The following ATRN variants were observed in gnomAD, a reference collection of about 807,000 sequenced individuals.
ATRN encodes the protein attractin-2.
Under a neutral mutation model 178.7 loss-of-function variants are expected in ATRN, and 54 were observed. That is an observed-to-expected ratio of 0.30 (90% CI 0.24 to 0.38). The LOEUF (loss-of-function observed/expected upper bound fraction) is 0.38. ATRN is among the 10% of genes least tolerant of loss of function. The probability of loss-of-function intolerance (pLI) is 1.00; values close to 1 mark genes in which losing one functional copy is unlikely to be tolerated. For missense variants in ATRN, 1,443 were observed against 1,815.1 expected (o/e 0.79, Z 3.73); for synonymous variants, 636 against 663.0 (o/e 0.96, Z 0.63).
chr20:3,566,444 TCTG>T (rs1281907488), intron 11 of ATRN, among the ~76,000 whole-genome samples: 1 of 152,252 alleles, frequency 6.6e-6, no homozygotes, highest in Non-Finnish European at 1.5e-5. Context: ...TCATTCAGTT[TCTG>T]CTATTACTAC....
At chr20:3,621,097 CT>C (rs934778892) in intron 24 of ATRN, among the ~76,000 whole-genome samples, 18 of 152,046 alleles carry the variant, frequency 1.2e-4, no homozygotes, top group African/African-American at 4.3e-4. Context: ...TTGGACACCC[CT>C]ATATAGACCA....
intron 1 of ATRN, among the ~76,000 whole-genome samples, chr20:3,486,391 C>G (rs530466373): frequency 1.3e-5 from 2 of 150,996 alleles, no homozygotes; most frequent in South Asian, 4.2e-4. Context: ...TTTCCTTTTT[C>G]TTTTTTTCCT....
chr20:3,643,297 T>C (rs897002446), intron 27 of ATRN, among the ~76,000 whole-genome samples: 1 of 152,212 alleles, frequency 6.6e-6, no homozygotes, highest in African/African-American at 2.4e-5. Flanking sequence ...CAGAGCTTGC[T>C]GGGACTTCTG....
intron 24 of ATRN, among the ~76,000 whole-genome samples, chr20:3,620,984 AT>A (rs908415193): frequency 2.6e-5 from 4 of 151,402 alleles, no homozygotes; most frequent in South Asian, 2.1e-4. Flanking sequence ...TTTTTATTTT[AT>A]TTTTTTTTAA....
In ATRN at chr20:3,648,773, C is replaced by G. The variant is rs1174279472; in HGVS notation, c.*1926C>G. 6.6e-6 allele frequency: 1 copy of G among 152,236 alleles called. No individual in the cohort carries two copies. Among genetic ancestry groups the G allele is most frequent in the Non-Finnish European group, 1.5e-5 (1 of 68,082 alleles). The allele number at this position is 152,236 out of a possible 1,614,324, so 9.4% of individuals were successfully genotyped here. A position where few individuals can be genotyped will look rare whatever the true frequency, so the allele number is the denominator to read the frequency against. On this transcript the variant is annotated 3_prime_UTR_variant, in exon 29 of 29. Transcript: ENST00000262919. ...AGACCCCTCCTCTCATGAGCTCCCCCATCCCTGCTACAGAACACAGCACCC... is the reference window on the plus strand; with the variant it reads ...AGACCCCTCCTCTCATGAGCTCCCCGATCCCTGCTACAGAACACAGCACCC...
In ATRN at chr20:3,560,899, G is replaced by T; in HGVS notation, c.1441G>T (p.Asp481Tyr). ...YGYISNVQEY[D>Y]LDKNTWSILH... ...ATATATAAGCAATGTGCAGGAATAT[G>T]ATTTGGGTAGGTATATTTTTTCCAG... Residue 481 changes from aspartate (D) to tyrosine (Y), a missense_variant, in exon 8 of 29, where the codon GAT (aspartate) becomes TAT (tyrosine). By Grantham distance (160) the Asp-to-Tyr change is radical. Around this residue, in one of 4 missense-constraint regions of ATRN, gnomAD observed 862 missense variants for 972.1 expected, o/e 0.89. Coordinates refer to ENST00000262919, the MANE Select transcript of ATRN (RefSeq NM_139321.3). The T allele has an allele frequency of 6.2e-7, 1 of 1,613,482 alleles. No individual in the cohort carries two copies. The highest frequency in any genetic ancestry group is 2.2e-5 in the East Asian group (1 of 44,866).
At position 3,638,239 on chromosome 20, in the gene ATRN, G is replaced by A. The variant is rs2087040565; in HGVS notation, c.3943-589G>A. On this transcript the variant is annotated intron_variant, in intron 26 of 28. Coordinates refer to ENST00000262919, the MANE Select transcript of ATRN (RefSeq NM_139321.3). The surrounding 1 kb of genome is among the most constrained non-coding windows in gnomAD (Gnocchi z 4.5). ...TATCAGCCTGTTATCTAGGTTTTAAGCCCTGCATGCATTTGGTATTTGTCC... is the reference window on the plus strand; with the variant it reads ...TATCAGCCTGTTATCTAGGTTTTAAACCCTGCATGCATTTGGTATTTGTCC... Among the ~76,000 whole-genome samples, 1 of 152,070 alleles carries A rather than the reference G, an allele frequency of 6.6e-6. No individual in the cohort carries two copies. The highest frequency in any genetic ancestry group is 2.4e-5 in the African/African-American group (1 of 41,394).
intron 1 of ATRN, among the ~76,000 whole-genome samples, chr20:3,478,309 T>G (rs1056276705): frequency 3.9e-5 from 6 of 152,200 alleles, no homozygotes; most frequent in Non-Finnish European, 7.3e-5. Context: ...ACTGATGGGC[T>G]ATCCAGCCCA....
intron 2 of ATRN, among the ~76,000 whole-genome samples, chr20:3,538,659 A>T (rs932158096): frequency 1.3e-5 from 2 of 152,128 alleles, no homozygotes; most frequent in African/African-American, 4.8e-5. Context: ...CCTGTCAGTA[A>T]GTTCTGTCAG....
chr20:3,537,511 T>A (rs1169983784), intron 2 of ATRN, among the ~76,000 whole-genome samples: 1 of 138,414 alleles, frequency 7.2e-6, no homozygotes, highest in East Asian at 1.9e-4. Context: ...TACATTTTTT[T>A]ATTTTATTTT....
At chr20:3,471,649 A>C (rs2084425691) in intron 1 of ATRN, 132 bp downstream of exon 1, 1 of 1,196,610 alleles carries the variant, frequency 8.4e-7, no homozygotes, top group Admixed American at 4.2e-5. Context: ...ATGGGGTTTG[A>C]GGGCCATTTG....
intron 25 of ATRN, among the ~76,000 whole-genome samples, chr20:3,626,767 C>T (rs2086943285): frequency 6.7e-6 from 1 of 148,178 alleles, no homozygotes; most frequent in Non-Finnish European, 1.5e-5. Context: ...TTTTGAAATG[C>T]ATATGAATTA....
At chr20:3,509,664 C>T (rs553203815) in intron 1 of ATRN, among the ~76,000 whole-genome samples, 31 of 151,982 alleles carry the variant, frequency 2.0e-4, no homozygotes, top group Admixed American at 3.9e-4. Flanking sequence ...CCACCATGCC[C>T]GGCTAATTTT....
At chr20:3,592,664 A>G (rs889365044) in intron 19 of ATRN, among the ~76,000 whole-genome samples, 1 of 152,178 alleles carries the variant, frequency 6.6e-6, no homozygotes. Flanking sequence ...ACTCTTTGGC[A>G]TGGCCCTTCA....
At chr20:3,480,046 C>T (rs1394655019) in intron 1 of ATRN, among the ~76,000 whole-genome samples, 1 of 152,180 alleles carries the variant, frequency 6.6e-6, no homozygotes, top group Non-Finnish European at 1.5e-5. Flanking sequence ...ACCTGGAGAA[C>T]TGAATGTAGG....
chr20:3,512,352 G>A (rs1203582086), intron 1 of ATRN, among the ~76,000 whole-genome samples: 1 of 148,574 alleles, frequency 6.7e-6, no homozygotes, highest in African/African-American at 2.5e-5. Flanking sequence ...GTGAGAACAT[G>A]CTGTGTTTGG....
intron 18 of ATRN, among the ~76,000 whole-genome samples, chr20:3,588,159 A>G (rs1834185803): frequency 6.6e-6 from 1 of 152,166 alleles, no homozygotes; most frequent in Non-Finnish European, 1.5e-5. Context: ...TTGCCATCTT[A>G]ACAAGGTTAA....
chr20:3,592,863 T>G (rs945155699), intron 19 of ATRN, among the ~76,000 whole-genome samples: 1 of 152,236 alleles, frequency 6.6e-6, no homozygotes, highest in African/African-American at 2.4e-5. Flanking sequence ...CTTATTACCC[T>G]TCTAATGCCA....
At chr20:3,529,076 AG>A (rs1308005446) in intron 1 of ATRN, among the ~76,000 whole-genome samples, 10 of 152,156 alleles carry the variant, frequency 6.6e-5, no homozygotes, top group Non-Finnish European at 1.3e-4. Flanking sequence ...GGCCTCCCAA[AG>A]TGCTGAGATT....
Sources: gnomAD v4.1 joint callset for allele counts (sites outside exome capture counted in the v4.1 genomes callset) on GRCh38, gnomAD v4.1.1 for gene constraint, gnomAD v4.1.1 regional missense constraint, Gnocchi (gnomAD v3.1) non-coding constraint, MANE v1.5 for transcripts, NCBI Gene and HGNC (gene_info 2026-07-23, HGNC 2026-07-21) for gene names.